The following DOCK11 variants were observed in gnomAD, a reference collection of about 807,000 sequenced individuals.
The protein encoded by DOCK11 is dedicator of cytokinesis protein 11.
Under a neutral mutation model 169.1 loss-of-function variants are expected in DOCK11, and 70 were observed. The ratio of observed to expected loss-of-function variants is 0.41; its 90% CI spans 0.34 to 0.51. The LOEUF is 0.51. Ranked by LOEUF, DOCK11 falls within the 20% of genes least tolerant of loss-of-function variation. DOCK11 has a pLI of 0.10. For synonymous variants in DOCK11, 529 were observed against 541.3 expected, an observed-to-expected ratio of 0.98 and a Z score of 0.32; for missense variants, 1,166 against 1,538.8, an observed-to-expected ratio of 0.76 and a Z score of 4.05.
At chrX:118,552,096 A>G (rs2012518210) in intron 6 of DOCK11, among the ~76,000 whole-genome samples, 1 of 110,263 alleles carries the variant, frequency 9.1e-6, no homozygotes, top group Non-Finnish European at 1.9e-5. Flanking sequence ...GAGGAATCAC[A>G]TCGTGAGAGA....
At chrX:118,625,875 G>T (rs1361999642) in intron 32 of DOCK11, among the ~76,000 whole-genome samples, 1 of 110,818 alleles carries the variant, frequency 9.0e-6, no homozygotes, top group Non-Finnish European at 1.9e-5. Context: ...TTTTGCCATT[G>T]TAATAATTTA....
At chrX:118,552,652 C>T (rs1013388399) in intron 6 of DOCK11, among the ~76,000 whole-genome samples, 1 of 112,372 alleles carries the variant, frequency 8.9e-6, no homozygotes, top group Admixed American at 9.4e-5. Flanking sequence ...CATCACTCCA[C>T]GAGTCACAGT....
Position 118,571,462 on chromosome X carries a change from C to T in DOCK11, c.1036-861C>T, listed in dbSNP as rs759587290. On this transcript the variant is annotated intron_variant, in intron 10 of 52. Transcript: ENST00000276202. ...AACTCTTGGGCTCAAGCCATCCTCC[C>T]ACCTCAGCCTCCCGAATAACCAGGA... 2.7e-5 allele frequency among the ~76,000 whole-genome samples: 3 copies of T among 110,058 alleles called. No individual in the cohort carries two copies. The South Asian group carries it at 1.2e-3, about 44-fold the overall frequency.
chrX:118,495,891 CGGCCGCCGCGGGCCGG>C lies in DOCK11; in HGVS notation c.-77_-62del. The C allele has an allele frequency of 3.5e-6, 2 of 565,551 alleles. No individual in the cohort carries two copies. The highest frequency in any genetic ancestry group is 4.5e-6 in the Non-Finnish European group (2 of 442,058). The allele number at this position is 565,551 out of a possible 1,213,427, so 46.6% of individuals were successfully genotyped here. On this transcript the variant is annotated 5_prime_UTR_variant, in exon 1 of 53. An upstream open reading frame in the 5' UTR loses its in-frame stop. Coordinates refer to ENST00000276202, the MANE Select transcript of DOCK11 (RefSeq NM_144658.4). ...TAAACAGAGGGAGCAGCAGCGGCCG[CGGCCGCCGCGGGCCGG>C]GGCAGTGAGTCCACCCGCCCGCCGA... is the stretch of plus-strand genomic sequence containing the variant.
intron 30 of DOCK11, among the ~76,000 whole-genome samples, chrX:118,617,351 G>A (rs2014845856): frequency 1.8e-5 from 2 of 109,958 alleles, no homozygotes; most frequent in Admixed American, 9.8e-5. Flanking sequence ...AATTAGCCGG[G>A]CATGGTGGCA....
Position 118,588,998 on chromosome X carries a change from A to T in DOCK11, c.2046+520A>T, listed in dbSNP as rs765663171. Among the ~76,000 whole-genome samples the T allele has an allele frequency of 8.9e-5, 10 of 112,116 alleles. No homozygotes were observed. The East Asian group carries it at 2.8e-3, about 31-fold the overall frequency. On this transcript the variant is annotated intron_variant, in intron 18 of 52. Coordinates refer to ENST00000276202, the MANE Select transcript of DOCK11 (RefSeq NM_144658.4). ...ATACCTGTCACACCACAGTGCCTTT[A>T]TATTTTTACTCTTTATAACTGTAAC...
At chrX:118,538,583 C>T (rs979299572) in intron 1 of DOCK11, 14 of 453,042 alleles carry the variant, frequency 3.1e-5, no homozygotes, top group Non-Finnish European at 3.0e-5. Context: ...TCACTACTTA[C>T]GGGAAGAAGA....
chrX:118,596,538 A>G (rs999862258), intron 20 of DOCK11, among the ~76,000 whole-genome samples: 2 of 112,118 alleles, frequency 1.8e-5, no homozygotes, highest in Admixed American at 1.9e-4. Flanking sequence ...TCTCCAGCCA[A>G]TACCCTCTCT....
At position 118,639,441 on chromosome X, in the gene DOCK11, T is replaced by C. The variant is rs1361860289; in HGVS notation, c.4008T>C (p.His1336=). The stretch of plus-strand genomic sequence containing the variant: ...ACTTTAAAATTTATTTTAGGGTGCA[T>C]GATGCCTGGCTGTCAAAACACTTCG... ...YMGKRNIARV[H]DAWLSKHFGI... The change falls in exon 38 of 53, where the codon CAT becomes CAC. Residue 1336 remains histidine, a synonymous_variant. Coordinates refer to ENST00000276202, the MANE Select transcript of DOCK11 (RefSeq NM_144658.4). 3 of 1,210,406 alleles carry C rather than the reference T, an allele frequency of 2.5e-6. No homozygotes were observed. The South Asian group carries it at 5.3e-5, about 21-fold the overall frequency.
rs1261365043 is a variant in DOCK11 at position 118,578,517 on chromosome X, T to G, written c.1390-8T>G. 8.3e-7 allele frequency: 1 copy of G among 1,206,963 alleles called. No individual in the cohort carries two copies. The highest frequency in any genetic ancestry group is 1.7e-5 in the African/African-American group (1 of 57,683). ...TAAGAAAGTCTAACGGAAGTACTTT[T>G]TTCCCAGGGAATTTTCTCAGTGACG... On this transcript the variant is annotated splice_polypyrimidine_tract_variant and splice_region_variant and intron_variant, in intron 12 of 52. Coordinates refer to ENST00000276202, the MANE Select transcript of DOCK11 (RefSeq NM_144658.4).
At chrX:118,561,919 G>A (rs756475085) in intron 7 of DOCK11, among the ~76,000 whole-genome samples, 2 of 110,197 alleles carry the variant, frequency 1.8e-5, no homozygotes, top group South Asian at 3.9e-4. Flanking sequence ...TAATCCCTGC[G>A]CTTTGTAAGG....
At chrX:118,576,388 C>A (rs1204515127) in intron 12 of DOCK11, among the ~76,000 whole-genome samples, 1 of 111,906 alleles carries the variant, frequency 8.9e-6, no homozygotes, top group African/African-American at 3.2e-5. Flanking sequence ...TTTCTGGGTT[C>A]TCTCTGGCCA....
intron 46 of DOCK11, among the ~76,000 whole-genome samples, chrX:118,672,581 C>A (rs748325080): frequency 8.0e-5 from 9 of 112,107 alleles, no homozygotes; most frequent in Admixed American, 3.8e-4. Flanking sequence ...TACAGGCGCC[C>A]GCCACCGCGC....
rs148351335 is a variant in DOCK11 at position 118,547,475 on chromosome X, G to C, written c.558+1359G>C. The stretch of plus-strand genomic sequence containing the variant: ...GGGCATCAGCAAGTGGTGATAATAA[G>C]AGAAACCATTTATTAAGGACTTAAT... On this transcript the variant is annotated intron_variant, in intron 6 of 52. Coordinates refer to ENST00000276202, the MANE Select transcript of DOCK11 (RefSeq NM_144658.4). Among the ~76,000 whole-genome samples, 1,031 of 112,249 alleles carry C rather than the reference G, an allele frequency of 9.2e-3. 17 individuals are homozygous for C. Among genetic ancestry groups the C allele is most frequent in the South Asian group, 0.069 (188 of 2,720 alleles).
chrX:118,577,775 T>C (rs1467943985), intron 12 of DOCK11, among the ~76,000 whole-genome samples: 1 of 111,943 alleles, frequency 8.9e-6, no homozygotes, highest in Non-Finnish European at 1.9e-5. Context: ...ACAAAGTTGG[T>C]AATATATCAA....
chrX:118,579,128 C>T (rs1449636771), intron 13 of DOCK11, among the ~76,000 whole-genome samples: 2 of 112,279 alleles, frequency 1.8e-5, no homozygotes, highest in African/African-American at 6.5e-5. Flanking sequence ...GAGATCTTTG[C>T]CCTTCCTACT....
At chrX:118,645,618 C>T (rs999520927) in intron 40 of DOCK11, among the ~76,000 whole-genome samples, 11 of 109,013 alleles carry the variant, frequency 1.0e-4, no homozygotes, top group African/African-American at 2.0e-4. Context: ...GCCAAGATCG[C>T]GCCACTGCAC....
chrX:118,618,591 C>T lies in DOCK11; in HGVS notation c.3334C>T (p.His1112Tyr). Residue 1112 changes from histidine (H) to tyrosine (Y), a missense_variant, in exon 31 of 53, where the codon CAT becomes TAT. By Grantham distance (83) the His-to-Tyr change is moderately conservative. Coordinates refer to ENST00000276202, the MANE Select transcript of DOCK11 (RefSeq NM_144658.4). ...EYSLSDEYCK[H>Y]HFLVGLLLRE... ...CAGTTTATCAGATGAGTATTGCAAG[C>T]ATCACTTCTTGGTTGGTCTACTTCT... 2 of 1,208,193 alleles carry T rather than the reference C, an allele frequency of 1.7e-6. No individual in the cohort carries two copies. Among genetic ancestry groups the T allele is most frequent in the African/African-American group, 1.7e-5 (1 of 57,711 alleles).
At chrX:118,670,671 C>T (rs898443669) in intron 45 of DOCK11, among the ~76,000 whole-genome samples, 3 of 111,579 alleles carry the variant, frequency 2.7e-5, no homozygotes, top group African/African-American at 9.8e-5. Context: ...AGATGTTAGA[C>T]ATTCAGACAT....
Sources: allele counts gnomAD v4.1 joint callset (sites outside exome capture counted in the v4.1 genomes callset), GRCh38; gene constraint gnomAD v4.1.1; transcripts MANE v1.5; gene names NCBI Gene and HGNC (gene_info 2026-07-23, HGNC 2026-07-21).